Variants in SLCO3A1 observed in about 807,000 individuals in gnomAD.
SLCO3A1 encodes solute carrier organic anion transporter family member 3A1.
In SLCO3A1, 27 loss-of-function variants were observed where a neutral mutation model predicts 63.1. That is an observed-to-expected ratio of 0.43 (90% CI 0.32 to 0.59). The LOEUF (loss-of-function observed/expected upper bound fraction) is 0.59. SLCO3A1 is among the 20% of genes least tolerant of loss of function. SLCO3A1 has a pLI of 0.09. For missense variants in SLCO3A1, 773 were observed against 945.8 expected, an observed-to-expected ratio of 0.82 and a Z score of 2.40; for synonymous variants, 473 against 409.9, an observed-to-expected ratio of 1.15 and a Z score of -1.86.
rs559496011 is a variant in SLCO3A1, at chr15:92,110,109, A to G, written c.1009+5567A>G. 1.3e-3 allele frequency among the ~76,000 whole-genome samples: 196 copies of G among 152,256 alleles called. 1 individual carries two copies. Among genetic ancestry groups the G allele is most frequent in the African/African-American group, 4.5e-3 (188 of 41,540 alleles). Reference sequence around the variant, plus strand: ...GCTCAGCCTTTCCCCCCTCCAAAAGAGGCCATGCAGAGCCCAAGCTCTAGA... The same window carrying G: ...GCTCAGCCTTTCCCCCCTCCAAAAGGGGCCATGCAGAGCCCAAGCTCTAGA... On this transcript the variant is annotated intron_variant, in intron 4 of 9. Coordinates refer to ENST00000318445, the MANE Select transcript of SLCO3A1 (RefSeq NM_013272.4).
At chr15:92,073,238 G>T (rs960274825) in intron 2 of SLCO3A1, among the ~76,000 whole-genome samples, 2 of 152,174 alleles carry the variant, frequency 1.3e-5, no homozygotes, top group African/African-American at 2.4e-5. Context: ...CTACGCTACA[G>T]TGTTGACATA....
At chr15:92,013,623 C>T (rs2046394185) in intron 2 of SLCO3A1, among the ~76,000 whole-genome samples, 2 of 152,220 alleles carry the variant, frequency 1.3e-5, no homozygotes, top group African/African-American at 4.8e-5. Context: ...AACAGGCATT[C>T]TTCAGTGATA....
At chr15:91,944,805 C>A (rs980492160) in intron 2 of SLCO3A1, among the ~76,000 whole-genome samples, 3 of 152,162 alleles carry the variant, frequency 2.0e-5, no homozygotes, top group Non-Finnish European at 4.4e-5. Context: ...GGGGGAAAGG[C>A]ACGAGCAGGC....
At chr15:92,159,040 G>A (rs1486375109) in intron 9 of SLCO3A1, among the ~76,000 whole-genome samples, 3 of 152,150 alleles carry the variant, frequency 2.0e-5, no homozygotes, top group Non-Finnish European at 4.4e-5. Context: ...GGCAAGATCA[G>A]ACCCTTGGCG....
At chr15:91,971,412 C>CAAAAAAAAAAA (rs1193750050) in intron 2 of SLCO3A1, among the ~76,000 whole-genome samples, 3 of 43,214 alleles carry the variant, frequency 6.9e-5, no homozygotes, top group Non-Finnish European at 1.0e-4. Context: ...AAAAAAAAAG[C>CAAAAAAAAAAA]AACCTCTTCC....
intron 2 of SLCO3A1, among the ~76,000 whole-genome samples, chr15:91,956,229 G>C (rs1900172356): frequency 1.3e-5 from 2 of 152,132 alleles, no homozygotes; most frequent in Admixed American, 1.3e-4. Context: ...GAATTCCCTG[G>C]TGGCTTCTCA....
At chr15:91,924,585 A>T (rs1898951516) in intron 2 of SLCO3A1, among the ~76,000 whole-genome samples, 1 of 152,232 alleles carries the variant, frequency 6.6e-6, no homozygotes, top group Non-Finnish European at 1.5e-5. Flanking sequence ...CACAGCCAGA[A>T]AAAAAGTGTT....
chr15:92,114,258 C>T (rs142817697), intron 4 of SLCO3A1, among the ~76,000 whole-genome samples: 4 of 152,256 alleles, frequency 2.6e-5, no homozygotes, highest in African/African-American at 9.6e-5. Flanking sequence ...TCTGTTGCCT[C>T]AGTTAGTGTT....
intron 4 of SLCO3A1, 117 bp from the exon 5 acceptor site, chr15:92,120,348 C>G: frequency 9.6e-7 from 1 of 1,046,048 alleles, no homozygotes; most frequent in Non-Finnish European, 1.4e-6. Flanking sequence ...CCTCTGGATG[C>G]TGTTTGCTGA....
chr15:92,011,078 A>G (rs1322101993), intron 2 of SLCO3A1, among the ~76,000 whole-genome samples: 1 of 152,184 alleles, frequency 6.6e-6, no homozygotes, highest in African/African-American at 2.4e-5. Flanking sequence ...AAGGCTCTAC[A>G]TGACCAGGGC....
rs10454699 is a variant in SLCO3A1, at chr15:91,967,662, G to A, written c.646+51204G>A. The stretch of plus-strand genomic sequence containing the variant: ...CAGATGGATTAATTGTTTTGTCCTT[G>A]TTCTGTTGACTTCCAGACCTTGTTA... On this transcript the variant is annotated intron_variant, in intron 2 of 9. Transcript: ENST00000318445. This position sits in a 1 kb window ranked among gnomAD's most constrained non-coding sequence, Gnocchi z 4.4. Among the ~76,000 whole-genome samples, 36,380 of 152,174 alleles carry A rather than the reference G, an allele frequency of 0.24. 4,976 individuals are homozygous for A. The highest frequency in any genetic ancestry group is 0.35 in the East Asian group (1,835 of 5,180).
At chr15:91,889,279 T>C (rs899883785) in intron 1 of SLCO3A1, 3 of 602,340 alleles carry the variant, frequency 5.0e-6, no homozygotes, top group South Asian at 1.5e-5. Context: ...TGCAACACTT[T>C]ATGGGCTTCA....
intron 4 of SLCO3A1, among the ~76,000 whole-genome samples, chr15:92,105,802 G>A (rs2047660980): frequency 6.6e-6 from 1 of 152,212 alleles, no homozygotes; most frequent in African/African-American, 2.4e-5. Context: ...CAGGAATGCG[G>A]CACTCAGCCG....
Position 92,011,425 on chromosome 15 carries a change from T to A in SLCO3A1, c.647-83456T>A, listed in dbSNP as rs1157278570. On this transcript the variant is annotated intron_variant, in intron 2 of 9. Transcript: ENST00000318445. Reference sequence around the variant, plus strand: ...ACTGTAGTCACCTTACTGTCACATGTATGGAAACATCACATTGTACTCCAT... The same window carrying A: ...ACTGTAGTCACCTTACTGTCACATGAATGGAAACATCACATTGTACTCCAT... Among the ~76,000 whole-genome samples the A allele has an allele frequency of 3.3e-5, 5 of 152,246 alleles. No homozygotes were observed. The South Asian group carries it at 1.0e-3, about 32-fold the overall frequency.
At chr15:92,017,746 G>A (rs946314162) in intron 2 of SLCO3A1, among the ~76,000 whole-genome samples, 1 of 152,144 alleles carries the variant, frequency 6.6e-6, no homozygotes, top group African/African-American at 2.4e-5. Context: ...GAAAAGGGAA[G>A]GTGAAGCTAC....
At chr15:92,052,278 C>T (rs780114407) in intron 2 of SLCO3A1, among the ~76,000 whole-genome samples, 1 of 152,184 alleles carries the variant, frequency 6.6e-6, no homozygotes, top group Non-Finnish European at 1.5e-5. Flanking sequence ...TCTCTCTCCA[C>T]TTTGAGCCTC....
chr15:92,171,970 A>C, exon 11 of SLCO3A1: 1 of 797,744 alleles, frequency 1.3e-6, no homozygotes, highest in Non-Finnish European at 2.1e-6. Flanking sequence ...GAGGGTCCCC[A>C]TGTGGATTAT....
At position 92,145,866 on chromosome 15, in the gene SLCO3A1, A is replaced by C. The variant is rs528337385; in HGVS notation, c.1513-1118A>C. Among the ~76,000 whole-genome samples the C allele has an allele frequency of 1.2e-4, 19 of 152,290 alleles. No individual in the cohort carries two copies. The South Asian group carries it at 3.9e-3, about 32-fold the overall frequency. ...ATGAATAAAAGCCCCTGTTGGGGGCACAGCGATACAGACTGACCCTGTTGG... is the reference window on the plus strand; with the variant it reads ...ATGAATAAAAGCCCCTGTTGGGGGCCCAGCGATACAGACTGACCCTGTTGG... On this transcript the variant is annotated intron_variant, in intron 7 of 9. Coordinates refer to ENST00000318445, the MANE Select transcript of SLCO3A1 (RefSeq NM_013272.4).
chr15:92,021,975 G>C (rs1346724093), intron 2 of SLCO3A1, among the ~76,000 whole-genome samples: 1 of 152,216 alleles, frequency 6.6e-6, no homozygotes, highest in East Asian at 1.9e-4. Context: ...CCTGCCTGGA[G>C]TGGCAGGAAG....
Sources: allele counts gnomAD v4.1 joint callset (sites outside exome capture counted in the v4.1 genomes callset), GRCh38; gene constraint gnomAD v4.1.1; non-coding constraint Gnocchi (gnomAD v3.1); transcripts MANE v1.5; gene names NCBI Gene and HGNC (gene_info 2026-07-23, HGNC 2026-07-21).